The following MBOAT1 variants were observed in gnomAD, a reference collection of about 807,000 sequenced individuals.
The protein encoded by MBOAT1 is membrane-bound glycerophospholipid O-acyltransferase 1.
A neutral mutation model predicts 64.4 loss-of-function variants in MBOAT1; 67 were observed. That is an observed-to-expected ratio of 1.04 (90% CI 0.85 to 1.27). The LOEUF is 1.27. Among genes scored for constraint, MBOAT1 ranks in the 50% most tolerant of loss-of-function variants. The pLI, the probability that MBOAT1 is intolerant of heterozygous loss-of-function variation, is 0.00. For missense variants in MBOAT1, 563 were observed against 604.6 expected (o/e 0.93, Z 0.72); for synonymous variants, 229 against 218.9 (o/e 1.05, Z -0.41).
chr6:20,115,270 C>A lies in MBOAT1; in HGVS notation c.1076+18G>T. The A allele has an allele frequency of 1.3e-6, 2 of 1,599,764 alleles. No homozygotes were observed. Among genetic ancestry groups the A allele is most frequent in the South Asian group, 2.2e-5 (2 of 90,778 alleles). On this transcript the variant is annotated intron_variant, in intron 10 of 12. Coordinates refer to ENST00000324607, the MANE Select transcript of MBOAT1 (RefSeq NM_001080480.3). The stretch of plus-strand genomic sequence containing the variant: ...ATCCCAGTGCCCTAAGTAATGAGGT[C>A]GTTTTTGTTTTTCTTACCACTTTAG...
intron 1 of MBOAT1, among the ~76,000 whole-genome samples, chr6:20,199,186 G>T (rs2113767640): frequency 6.6e-6 from 1 of 152,260 alleles, no homozygotes; most frequent in East Asian, 1.9e-4. Flanking sequence ...GGCTTGGGAG[G>T]CTGCTTGATT....
At chr6:20,112,793 A>G in intron 11 of MBOAT1, 83 bp downstream of exon 11, 1 of 1,466,182 alleles carries the variant, frequency 6.8e-7, no homozygotes, top group Non-Finnish European at 9.2e-7. Flanking sequence ...CCCACCCCCA[A>G]CCCCTACTAG....
chr6:20,179,099 C>T (rs1762435505), intron 1 of MBOAT1, among the ~76,000 whole-genome samples: 1 of 151,484 alleles, frequency 6.6e-6, no homozygotes, highest in Non-Finnish European at 1.5e-5. Flanking sequence ...CCTCTCCCCA[C>T]CCCCACACCC....
intron 1 of MBOAT1, among the ~76,000 whole-genome samples, chr6:20,198,553 A>G (rs2113766785): frequency 6.6e-6 from 1 of 152,310 alleles, no homozygotes; most frequent in Admixed American, 6.5e-5. Context: ...TTCTTAGTCA[A>G]TTCATTGACA....
At chr6:20,181,572 C>A (rs1762510495) in intron 1 of MBOAT1, among the ~76,000 whole-genome samples, 1 of 152,230 alleles carries the variant, frequency 6.6e-6, no homozygotes, top group Non-Finnish European at 1.5e-5. Context: ...AGGGACTGTG[C>A]TACACCGTAC....
At chr6:20,210,391 T>C (rs1353324707) in intron 1 of MBOAT1, among the ~76,000 whole-genome samples, 1 of 152,154 alleles carries the variant, frequency 6.6e-6, no homozygotes, top group Non-Finnish European at 1.5e-5. Flanking sequence ...CGACCTTATT[T>C]ATGGTTTGGG....
chr6:20,112,534 CATTA>C (rs1254429740), intron 11 of MBOAT1, among the ~76,000 whole-genome samples: 2 of 152,152 alleles, frequency 1.3e-5, no homozygotes, highest in Non-Finnish European at 2.9e-5. Context: ...ATGGTGCCTA[CATTA>C]ATTAATAATC....
chr6:20,121,227 C>T (rs2113644644), intron 8 of MBOAT1, among the ~76,000 whole-genome samples: 1 of 152,314 alleles, frequency 6.6e-6, no homozygotes, highest in East Asian at 1.9e-4. Context: ...ATTAGTACAT[C>T]AATTATATGT....
intron 1 of MBOAT1, among the ~76,000 whole-genome samples, chr6:20,157,089 C>A (rs1274714755): frequency 6.6e-6 from 1 of 151,908 alleles, no homozygotes; most frequent in Non-Finnish European, 1.5e-5. Context: ...TTGAGACCAG[C>A]CTGAACAACA....
intron 1 of MBOAT1, among the ~76,000 whole-genome samples, chr6:20,188,580 T>C (rs746701162): frequency 2.4e-4 from 36 of 152,008 alleles, no homozygotes; most frequent in Admixed American, 1.1e-3. Context: ...CAGAAGAGGG[T>C]TGCCATTTTT....
intron 12 of MBOAT1, among the ~76,000 whole-genome samples, chr6:20,103,839 GA>G (rs1319068013): frequency 6.6e-6 from 1 of 152,122 alleles, no homozygotes; most frequent in Non-Finnish European, 1.5e-5. Flanking sequence ...TATTATTGAG[GA>G]AAAGTTTTCT....
chr6:20,111,857 T>TA (rs1214814951), intron 11 of MBOAT1, among the ~76,000 whole-genome samples: 1 of 113,886 alleles, frequency 8.8e-6, no homozygotes, highest in African/African-American at 3.8e-5. Flanking sequence ...CATATATATA[T>TA]ACATATATAT....
chr6:20,169,964 C>T (rs1762142756), intron 1 of MBOAT1, among the ~76,000 whole-genome samples: 1 of 152,214 alleles, frequency 6.6e-6, no homozygotes, highest in South Asian at 2.1e-4. Context: ...CAATGAACAA[C>T]ACCCAGTCTT....
rs146315965 is a variant in MBOAT1 at position 20,113,350 on chromosome 6, C to T, written c.1077-342G>A. Among the ~76,000 whole-genome samples, 1,045 of 152,360 alleles carry T rather than the reference C, an allele frequency of 6.9e-3. 6 individuals carry two copies. Among genetic ancestry groups the T allele is most frequent in the Non-Finnish European group, 0.012 (804 of 68,036 alleles). The stretch of plus-strand genomic sequence containing the variant: ...GGAGTTCCTGCCTTACAGACGCTTA[C>T]TCCACCAATGGCCTCATCTACTGGG... On this transcript the variant is annotated intron_variant, in intron 10 of 12. Coordinates refer to ENST00000324607, the MANE Select transcript of MBOAT1 (RefSeq NM_001080480.3).
At chr6:20,131,851 G>A (rs2113661560) in intron 4 of MBOAT1, among the ~76,000 whole-genome samples, 1 of 151,996 alleles carries the variant, frequency 6.6e-6, no homozygotes, top group South Asian at 2.1e-4. Context: ...GCATGCCCAG[G>A]AGCTAGTTGG....
chr6:20,153,739 C>T (rs1335604872), intron 1 of MBOAT1, among the ~76,000 whole-genome samples: 2 of 152,146 alleles, frequency 1.3e-5, no homozygotes, highest in African/African-American at 4.8e-5. Flanking sequence ...GCAGGGTAGA[C>T]ACCAAATTTC....
rs751704017 is a variant in MBOAT1, at chr6:20,124,567, C to G, written c.748G>C (p.Val250Leu). The G allele has an allele frequency of 4.8e-5, 78 of 1,614,122 alleles. No homozygotes were observed. In the Admixed American group the frequency reaches 1.3e-3, roughly 27 times the overall value. ...AVIHKLGITL[V>L]SLLLFLTLTK... The stretch of plus-strand genomic sequence containing the variant: ...AGCGTCAAAAACAAAAGGAGAGACA[C>G]CAAGGTGATGCCCAACTTGTGTATC... The change falls in exon 8 of 13, where the codon GTG (valine) becomes CTG (leucine). Residue 250 changes from valine to leucine, a missense_variant. Physicochemically the swap from Val to Leu is conservative, Grantham distance 32 (BLOSUM62 1). Coordinates refer to ENST00000324607, the MANE Select transcript of MBOAT1 (RefSeq NM_001080480.3).
chr6:20,150,275 A>C (rs1458524305), intron 3 of MBOAT1, among the ~76,000 whole-genome samples: 2 of 152,054 alleles, frequency 1.3e-5, no homozygotes, highest in Non-Finnish European at 2.9e-5. Context: ...AAAGTATACA[A>C]TTTAACATAT....
intron 1 of MBOAT1, among the ~76,000 whole-genome samples, chr6:20,201,175 T>G (rs1029128433): frequency 1.3e-5 from 2 of 152,154 alleles, no homozygotes; most frequent in Admixed American, 6.5e-5. Flanking sequence ...TCCCAGTTTG[T>G]GGAGGAGTTA....
Sources: gnomAD v4.1 joint callset for allele counts (sites outside exome capture counted in the v4.1 genomes callset) on GRCh38, gnomAD v4.1.1 for gene constraint, MANE v1.5 for transcripts, NCBI Gene and HGNC (gene_info 2026-07-23, HGNC 2026-07-21) for gene names.